Variants in PRDX5 observed in about 807,000 individuals in gnomAD.
PRDX5 encodes the protein peroxiredoxin 5.
A neutral mutation model predicts 23.8 loss-of-function variants in PRDX5; 21 were observed. That is an observed-to-expected ratio of 0.88 (90% CI 0.63 to 1.27). PRDX5 has a LOEUF of 1.27. Among genes scored for constraint, PRDX5 ranks in the 50% most tolerant of loss-of-function variants. The pLI, the probability that PRDX5 is intolerant of heterozygous loss-of-function variation, is 0.00. For synonymous variants in PRDX5, 111 were observed against 113.3 expected (o/e 0.98, Z 0.13); for missense variants, 261 against 270.6 (o/e 0.96, Z 0.25).
rs181562505 is a variant in PRDX5 at position 64,320,056 on chromosome 11, G to T, written c.306+188G>T. Among the ~76,000 whole-genome samples, 187 of 152,270 alleles carry T rather than the reference G, an allele frequency of 1.2e-3. 1 individual carries two copies. The South Asian group carries it at 0.023, about 19-fold the overall frequency. On this transcript the variant is annotated intron_variant, in intron 2 of 5. Coordinates refer to ENST00000265462, the MANE Select transcript of PRDX5 (RefSeq NM_012094.5). ...GCACTTTGGGAGGCCAAGGCGGGTG[G>T]ATCACGAGGTCAGGAGTTCAAAACC...
At position 64,318,140 on chromosome 11, in the gene PRDX5, C is replaced by T. The variant is rs2035359664; in HGVS notation, c.-76C>T. 8 of 1,584,108 alleles carry T rather than the reference C, an allele frequency of 5.1e-6. No individual in the cohort carries two copies. The highest frequency in any genetic ancestry group is 6.9e-6 in the Non-Finnish European group (8 of 1,167,674). On this transcript the variant is annotated 5_prime_UTR_variant, in exon 1 of 6. Transcript: ENST00000265462. ...GCCCGCCTTCCGCAGGGTGTCGCCG[C>T]TGTGCCGCTAGCGGTGCCCCGCCTG... is the stretch of plus-strand genomic sequence containing the variant.
chr11:64,319,525 G>C (rs1240116400), intron 1 of PRDX5, among the ~76,000 whole-genome samples: 2 of 152,212 alleles, frequency 1.3e-5, no homozygotes, highest in Non-Finnish European at 2.9e-5. Flanking sequence ...CCCCTTAAGA[G>C]GAGCAGGGCC....
intron 5 of PRDX5, 65 bp from the exon 6 acceptor site, chr11:64,321,521 C>T: frequency 6.3e-7 from 1 of 1,580,626 alleles, no homozygotes; most frequent in Non-Finnish European, 8.6e-7. Context: ...CTGTTCACTG[C>T]CTGTCTCCAT....
intron 5 of PRDX5, 135 bp from the exon 6 acceptor site, chr11:64,321,451 C>T: frequency 7.1e-7 from 1 of 1,418,370 alleles, no homozygotes; most frequent in South Asian, 1.4e-5. Context: ...GTGGTGAGTC[C>T]TCTGTGGGGG....
chr11:64,318,437 T>A, intron 1 of PRDX5, 51 bp downstream of exon 1: 1 of 1,550,608 alleles, frequency 6.4e-7, no homozygotes. Flanking sequence ...CCCATGGCAA[T>A]CCCCGTCCCG....
chr11:64,318,150 A>AGCGGTGCCCCGCCTGCT lies in PRDX5; in HGVS notation c.-59_-43dup, dbSNP rs1248502197. On this transcript the variant is annotated 5_prime_UTR_variant, in exon 1 of 6. Transcript: ENST00000265462. ...CGCAGGGTGTCGCCGCTGTGCCGCT[A>AGCGGTGCCCCGCCTGCT]GCGGTGCCCCGCCTGCTGCGGTGGC... The AGCGGTGCCCCGCCTGCT allele has an allele frequency of 8.8e-6, 14 of 1,597,066 alleles. No individual in the cohort carries two copies. The highest frequency in any genetic ancestry group is 1.2e-5 in the Non-Finnish European group (14 of 1,173,532).
intron 2 of PRDX5, 103 bp from the exon 3 acceptor site, chr11:64,320,558 C>G: frequency 6.8e-7 from 1 of 1,471,244 alleles, no homozygotes; most frequent in South Asian, 1.4e-5. Context: ...ATTGTCTGAT[C>G]AAAGGTGTTG....
intron 2 of PRDX5, among the ~76,000 whole-genome samples, chr11:64,320,077 A>G (rs1041070830): frequency 2.0e-5 from 3 of 152,190 alleles, no homozygotes; most frequent in African/African-American, 4.8e-5. Context: ...CAGGAGTTCA[A>G]AACCAGTCTG....
Position 64,318,341 on chromosome 11 carries a change from G to C in PRDX5, c.126G>C (p.Gly42=). The C allele has an allele frequency of 6.2e-7, 1 of 1,612,314 alleles. No individual in the cohort carries two copies. ...RYSEGEWASG[G]VRSFSRAAAA... ...GTGAAGGAGAGTGGGCGTCTGGCGG[G>C]GTCCGCAGTTTCAGCAGAGCCGCTG... The change falls in exon 1 of 6, where the codon GGG becomes GGC. Residue 42 remains glycine (G), a synonymous_variant. Coordinates refer to ENST00000265462, the MANE Select transcript of PRDX5 (RefSeq NM_012094.5).
Position 64,319,736 on chromosome 11 carries a change from G to A in PRDX5, c.174G>A (p.Val58=), listed in dbSNP as rs1337838345. ...RAAAAMAPIK[V]GDAIPAVEVF... ...TACCCTGGAGTCCTTCCTTCTAGGT[G>A]GGAGATGCCATCCCAGCAGTGGAGG... Residue 58 remains valine, a splice_region_variant and synonymous_variant, in exon 2 of 6, where the codon GTG becomes GTA. Coordinates refer to ENST00000265462, the MANE Select transcript of PRDX5 (RefSeq NM_012094.5). The A allele has an allele frequency of 1.2e-6, 2 of 1,613,506 alleles. No homozygotes were observed. The highest frequency in any genetic ancestry group is 3.3e-5 in the Admixed American group (2 of 59,894).
Position 64,318,373 on chromosome 11 carries a change from T to C in PRDX5, c.158T>C (p.Met53Thr). The C allele has an allele frequency of 6.2e-7, 1 of 1,608,486 alleles. No homozygotes were observed. The highest frequency in any genetic ancestry group is 2.2e-5 in the East Asian group (1 of 44,700). The change falls in exon 1 of 6, where the codon ATG (methionine) becomes ACG (threonine). Residue 53 changes from methionine to threonine, a missense_variant. Coordinates refer to ENST00000265462, the MANE Select transcript of PRDX5 (RefSeq NM_012094.5). Reference protein sequence around the residue: ...VRSFSRAAAAMAPIKVGDAIP... With the variant: ...VRSFSRAAAATAPIKVGDAIP... Reference sequence around the variant, plus strand: ...AGTTTCAGCAGAGCCGCTGCAGCCATGGCCCCAATCAAGGTGACCGCTGGC... The same window carrying C: ...AGTTTCAGCAGAGCCGCTGCAGCCACGGCCCCAATCAAGGTGACCGCTGGC...
chr11:64,318,995 A>C (rs2035412513), intron 1 of PRDX5, among the ~76,000 whole-genome samples: 1 of 147,204 alleles, frequency 6.8e-6, no homozygotes, highest in Non-Finnish European at 1.5e-5. Context: ...CCCTCCCCCC[A>C]TGGCGAATTC....
Position 64,318,233 on chromosome 11 carries a change from G to T in PRDX5, c.18G>T (p.Val6=). 6.2e-7 allele frequency: 1 copy of T among 1,611,878 alleles called. No individual in the cohort carries two copies. Among genetic ancestry groups the T allele is most frequent in the Non-Finnish European group, 8.5e-7 (1 of 1,179,844 alleles). MGLAG[V]CALRRSAGYI... ...GGGCGGGTATGGGACTAGCTGGCGT[G>T]TGCGCCCTGAGACGCTCAGCGGGCT... Residue 6 remains valine (V), a synonymous_variant, in exon 1 of 6, where the codon GTG becomes GTT. Transcript: ENST00000265462.
chr11:64,318,885 A>C (rs2035407553), intron 1 of PRDX5, among the ~76,000 whole-genome samples: 1 of 116,764 alleles, frequency 8.6e-6, no homozygotes, highest in Non-Finnish European at 1.6e-5. Flanking sequence ...CTAGGATTAC[A>C]GGTGTGAGAC....
At chr11:64,321,457 G>T in intron 5 of PRDX5, 129 bp from the exon 6 acceptor site, 1 of 1,435,974 alleles carries the variant, frequency 7.0e-7, no homozygotes, top group Non-Finnish European at 9.4e-7. Flanking sequence ...AGTCCTCTGT[G>T]GGGGAGAGTC....
intron 4 of PRDX5, 49 bp from the exon 5 acceptor site, chr11:64,320,958 C>T (rs1317163562): frequency 1.2e-6 from 2 of 1,613,894 alleles, no homozygotes; most frequent in East Asian, 2.2e-5. Context: ...GCAGTGGGGG[C>T]CCTTAGCCTC....
Position 64,320,136 on chromosome 11 carries a change from C to T in PRDX5, c.306+268C>T, listed in dbSNP as rs567843394. Among the ~76,000 whole-genome samples, 94 of 152,064 alleles carry T rather than the reference C, an allele frequency of 6.2e-4. 1 individual carries two copies. The highest frequency in any genetic ancestry group is 6.6e-4 in the Non-Finnish European group (45 of 68,016). ...CTACTAAAAATGCAAAAAAATCAGC[C>T]GGACATGGTGGCGGGCGCCTGTAAT... On this transcript the variant is annotated intron_variant, in intron 2 of 5. Coordinates refer to ENST00000265462, the MANE Select transcript of PRDX5 (RefSeq NM_012094.5).
Position 64,318,126 on chromosome 11 carries a change from G to A in PRDX5, c.-90G>A. 4 of 1,551,552 alleles carry A rather than the reference G, an allele frequency of 2.6e-6. No individual in the cohort carries two copies. The highest frequency in any genetic ancestry group is 2.6e-6 in the Non-Finnish European group (3 of 1,153,704). On this transcript the variant is annotated 5_prime_UTR_variant, in exon 1 of 6. Transcript: ENST00000265462. Reference sequence around the variant, plus strand: ...TGGAGGCGGCCCAGGCCCGCCTTCCGCAGGGTGTCGCCGCTGTGCCGCTAG... The same window carrying A: ...TGGAGGCGGCCCAGGCCCGCCTTCCACAGGGTGTCGCCGCTGTGCCGCTAG...
chr11:64,321,796 T>C lies in PRDX5; in HGVS notation c.*105T>C, dbSNP rs1397031639. On this transcript the variant is annotated 3_prime_UTR_variant, in exon 6 of 6. Coordinates refer to ENST00000265462, the MANE Select transcript of PRDX5 (RefSeq NM_012094.5). ...TTGGCCAGATTTCTGCAATAAACAC[T>C]TGTGGTTTGCGGCCATCTCCTTGGT... 4.3e-6 allele frequency: 6 copies of C among 1,385,938 alleles called. No homozygotes were observed. Among genetic ancestry groups the C allele is most frequent in the Non-Finnish European group, 4.8e-6 (5 of 1,039,424 alleles). The allele number at this position is 1,385,938 out of a possible 1,614,324, so 85.9% of individuals were successfully genotyped here. A position where few individuals can be genotyped will look rare whatever the true frequency, so the allele number is the denominator to read the frequency against.
Sources: gnomAD v4.1 joint callset for allele counts (sites outside exome capture counted in the v4.1 genomes callset) on GRCh38, gnomAD v4.1.1 for gene constraint, MANE v1.5 for transcripts, NCBI Gene and HGNC (gene_info 2026-07-23, HGNC 2026-07-21) for gene names.